Variants in RBFOX1 observed in about 807,000 individuals in gnomAD.
The protein encoded by RBFOX1 is RNA binding protein fox-1 homolog 1.
Under a neutral mutation model 57.7 loss-of-function variants are expected in RBFOX1, and 8 were observed. That is an observed-to-expected ratio of 0.14 (90% CI 0.08 to 0.25). The LOEUF (loss-of-function observed/expected upper bound fraction) is 0.25. Among genes scored for constraint, RBFOX1 ranks in the 10% least tolerant of loss-of-function variants. The pLI is 1.00. For missense variants in RBFOX1, 611 were observed against 548.5 expected (o/e 1.11, Z -1.14); for synonymous variants, 326 against 222.4 (o/e 1.47, Z -4.15).
intron 4 of RBFOX1, among the ~76,000 whole-genome samples, chr16:7,394,170 A>C (rs999348890): frequency 4.3e-5 from 6 of 138,070 alleles, no homozygotes; most frequent in Non-Finnish European, 7.7e-5. Flanking sequence ...CAGGAGGCAG[A>C]GGTTGTAGTG....
chr16:5,319,523 C>T (rs17137811), intron 1 of RBFOX1, among the ~76,000 whole-genome samples: 1 of 152,176 alleles, frequency 6.6e-6, no homozygotes, highest in Non-Finnish European at 1.5e-5. Flanking sequence ...TCCAAGAATC[C>T]TTTACTGAGC....
intron 2 of RBFOX1, among the ~76,000 whole-genome samples, chr16:5,530,075 A>G (rs928620777): frequency 1.5e-4 from 23 of 152,268 alleles, no homozygotes; most frequent in Middle Eastern, 3.4e-3. Flanking sequence ...CTGTGAGACA[A>G]TAAATCACTC....
intron 3 of RBFOX1, among the ~76,000 whole-genome samples, chr16:6,749,148 C>T (rs11647904): frequency 0.082 from 12,409 of 152,144 alleles, 738 homozygotes; most frequent in Non-Finnish European, 0.12. Context: ...GGATGGCATT[C>T]GAGAGAAAAA....
At chr16:7,304,240 GAGAGAGAC>G in intron 4 of RBFOX1, 1 of 983,180 alleles carries the variant, frequency 1.0e-6, no homozygotes, top group Non-Finnish European at 1.2e-6. Flanking sequence ...GAGAGAGAGA[GAGAGAGAC>G]AGCGCGAGCC....
At chr16:7,413,424 C>G (rs1048869842) in intron 4 of RBFOX1, among the ~76,000 whole-genome samples, 2 of 152,102 alleles carry the variant, frequency 1.3e-5, no homozygotes, top group Non-Finnish European at 2.9e-5. Context: ...GTTCCTGATT[C>G]ACTGGGTCTG....
intron 1 of RBFOX1, among the ~76,000 whole-genome samples, chr16:5,406,677 C>G (rs1037672083): frequency 5.3e-5 from 8 of 151,746 alleles, no homozygotes; most frequent in Non-Finnish European, 1.5e-5. Context: ...TGTGTGTGTT[C>G]TATTGGTTCT....
At chr16:6,339,836 G>A (rs1042406542) in intron 2 of RBFOX1, among the ~76,000 whole-genome samples, 8 of 150,814 alleles carry the variant, frequency 5.3e-5, no homozygotes, top group Non-Finnish European at 1.0e-4. Flanking sequence ...ATGCCCAGCT[G>A]ATTTTTTTTT....
Position 6,019,862 on chromosome 16 carries a change from G to T in RBFOX1, c.-257G>T, listed in dbSNP as rs932262383. On this transcript the variant is annotated 5_prime_UTR_variant, in exon 1 of 16. Transcript: ENST00000550418. The surrounding 1 kb of genome is among the most constrained non-coding windows in gnomAD (Gnocchi z 4.2). ...CTGCCCGCGAAGTTGCGGACAGTGC[G>T]TGAGAAACCAGCACCCCCTTCCGCC... 43 of 1,533,910 alleles carry T rather than the reference G, an allele frequency of 2.8e-5. 1 individual carries two copies. The highest frequency in any genetic ancestry group is 2.4e-5 in the Non-Finnish European group (28 of 1,146,072).
chr16:7,237,919 G>A (rs1325972558), intron 4 of RBFOX1, among the ~76,000 whole-genome samples: 1 of 152,184 alleles, frequency 6.6e-6, no homozygotes, highest in African/African-American at 2.4e-5. Flanking sequence ...CATGAGAATT[G>A]CTTGAACCCT....
intron 3 of RBFOX1, among the ~76,000 whole-genome samples, chr16:7,039,423 T>G (rs910381368): frequency 1.3e-5 from 2 of 152,202 alleles, no homozygotes; most frequent in Admixed American, 6.5e-5. Flanking sequence ...CTCCAAGCTA[T>G]TTTCTCAAGT....
At chr16:5,858,396 C>T (rs1000743671) in intron 3 of RBFOX1, among the ~76,000 whole-genome samples, 9 of 152,144 alleles carry the variant, frequency 5.9e-5, no homozygotes, top group South Asian at 2.1e-4. Context: ...CCCTGTAAAC[C>T]GGCACTGTGA....
At chr16:5,744,922 A>G (rs991514145) in intron 3 of RBFOX1, among the ~76,000 whole-genome samples, 2 of 151,840 alleles carry the variant, frequency 1.3e-5, no homozygotes, top group Admixed American at 1.3e-4. Context: ...ACAGGCATGC[A>G]CTGCCACGCC....
chr16:7,098,641 A>T (rs1013443471), intron 4 of RBFOX1, among the ~76,000 whole-genome samples: 5 of 152,122 alleles, frequency 3.3e-5, no homozygotes, highest in African/African-American at 4.8e-5. Context: ...GATATAGGAC[A>T]TTAGAGTGGT....
intron 3 of RBFOX1, among the ~76,000 whole-genome samples, chr16:5,769,231 C>G (rs542732829): frequency 4.6e-5 from 7 of 152,016 alleles, no homozygotes; most frequent in African/African-American, 1.7e-4. Context: ...AAGTCCTAAC[C>G]CCAGCTACCT....
At chr16:6,911,983 G>A (rs1224141071) in intron 3 of RBFOX1, among the ~76,000 whole-genome samples, 2 of 152,132 alleles carry the variant, frequency 1.3e-5, no homozygotes, top group African/African-American at 2.4e-5. Context: ...GAAAGAACAA[G>A]AATAAAGATG....
At chr16:6,911,854 TAAGAA>T (rs1169217957) in intron 3 of RBFOX1, among the ~76,000 whole-genome samples, 1 of 152,210 alleles carries the variant, frequency 6.6e-6, no homozygotes, top group Non-Finnish European at 1.5e-5. Flanking sequence ...AAAGTGATTT[TAAGAA>T]AAGACGTTAA....
chr16:7,006,218 G>C (rs780030736), intron 3 of RBFOX1, among the ~76,000 whole-genome samples: 1 of 151,988 alleles, frequency 6.6e-6, no homozygotes, highest in Non-Finnish European at 1.5e-5. Context: ...GCAGTGGCAC[G>C]ATCTCGGTTC....
At chr16:5,584,107 A>G (rs898887925) in intron 2 of RBFOX1, among the ~76,000 whole-genome samples, 4 of 152,208 alleles carry the variant, frequency 2.6e-5, no homozygotes, top group African/African-American at 4.8e-5. Context: ...CTCCTCTCTC[A>G]GGAGCCCTGA....
intron 11 of RBFOX1, among the ~76,000 whole-genome samples, chr16:7,639,098 G>T (rs1177027547): frequency 6.6e-6 from 1 of 152,138 alleles, no homozygotes; most frequent in African/African-American, 2.4e-5. Context: ...ATTTGATCAA[G>T]ATACAGGAAT....
Sources: gnomAD v4.1 joint callset for allele counts (sites outside exome capture counted in the v4.1 genomes callset) on GRCh38, gnomAD v4.1.1 for gene constraint, Gnocchi (gnomAD v3.1) non-coding constraint, MANE v1.5 for transcripts, NCBI Gene and HGNC (gene_info 2026-07-23, HGNC 2026-07-21) for gene names.